The following PRKAR1A variants were observed in gnomAD, a reference collection of about 807,000 sequenced individuals.
PRKAR1A encodes cAMP-dependent protein kinase type I-alpha regulatory subunit.
Under a neutral mutation model 52.0 loss-of-function variants are expected in PRKAR1A, and 3 were observed. That is an observed-to-expected ratio of 0.06 (90% confidence interval 0.03 to 0.15). The LOEUF (loss-of-function observed/expected upper bound fraction) is 0.15, where lower values mean the gene tolerates loss of function less well. Ranked by LOEUF, PRKAR1A falls within the 10% of genes least tolerant of loss-of-function variation. The pLI, the probability that PRKAR1A is intolerant of heterozygous loss-of-function variation, is 1.00. For synonymous variants in PRKAR1A, 188 were observed against 168.4 expected (o/e 1.12, Z -0.90); for missense variants, 240 against 477.4 (o/e 0.50, Z 4.63).
chr17:68,419,339 T>C, the PRKAR1A span, among the ~76,000 whole-genome samples: 13 of 152,134 alleles, frequency 8.5e-5, no homozygotes, highest in Non-Finnish European at 1.8e-4. Context: ...AGTGGGCAGA[T>C]CATGAGGTTA....
At chr17:68,542,299 A>G (rs1600527110) in intron 11 of PRKAR1A, 12 of 1,008,960 alleles carry the variant, frequency 1.2e-5, no homozygotes, top group Non-Finnish European at 1.6e-5. Context: ...AAGAAGAAGG[A>G]AACATTGACT....
the PRKAR1A span, among the ~76,000 whole-genome samples, chr17:68,419,942 A>G: frequency 6.6e-6 from 1 of 152,168 alleles, no homozygotes; most frequent in Non-Finnish European, 1.5e-5. Context: ...CTGGGCAACG[A>G]AGCCAGACCC....
downstream of PRKAR1A, among the ~76,000 whole-genome samples, chr17:68,534,560 C>CTTTTTTTTTTTTTTTTTTTCT (rs34994040): frequency 1.8e-5 from 2 of 111,050 alleles, no homozygotes; most frequent in African/African-American, 3.4e-5. Flanking sequence ...TTTTTAGTGC[C>CTTTTTTTTTTTTTTTTTTTCT]TTTTTTTTTT....
the PRKAR1A span, among the ~76,000 whole-genome samples, chr17:68,491,924 C>A: frequency 6.6e-6 from 1 of 152,328 alleles, no homozygotes; most frequent in Admixed American, 6.5e-5. Flanking sequence ...TATGGTAAGT[C>A]ATAAGGAGCT....
At chr17:68,548,119 G>C (rs1248239954) in intron 11 of PRKAR1A, among the ~76,000 whole-genome samples, 1 of 152,172 alleles carries the variant, frequency 6.6e-6, no homozygotes, top group Non-Finnish European at 1.5e-5. Flanking sequence ...TTTAGGCCAG[G>C]TGCAGTGGCT....
the PRKAR1A span, among the ~76,000 whole-genome samples, chr17:68,447,816 C>T: frequency 6.6e-6 from 1 of 151,824 alleles, no homozygotes; most frequent in Admixed American, 6.6e-5. Flanking sequence ...CATGGTGAAA[C>T]CCCATCTCTA....
Position 68,523,710 on chromosome 17 carries a change from T to G in PRKAR1A, c.349-15T>G, listed in dbSNP as rs1243359772. On this transcript the variant is annotated splice_polypyrimidine_tract_variant and intron_variant, in intron 3 of 10. Coordinates refer to ENST00000589228, the MANE Select transcript of PRKAR1A (RefSeq NM_002734.5). ...GGTTTATGGAATTGTCATTTGACCT[T>G]CAGTTCTTTTCTAGGTTATACCAAA... 1.3e-6 allele frequency: 2 copies of G among 1,593,090 alleles called. No homozygotes were observed. The highest frequency in any genetic ancestry group is 1.7e-6 in the Non-Finnish European group (2 of 1,165,984).
chr17:68,427,155 G>A, the PRKAR1A span: 1 of 1,614,070 alleles, frequency 6.2e-7, no homozygotes, highest in East Asian at 2.2e-5. Flanking sequence ...GGAGGCTGAA[G>A]ATGCACTTGG....
chr17:68,539,259 C>T (rs867364658), intron 11 of PRKAR1A: 1 of 1,450,864 alleles, frequency 6.9e-7, no homozygotes, highest in Non-Finnish European at 9.7e-7. Flanking sequence ...AACTGGAAGC[C>T]CTTCAGACCT....
chr17:68,425,889 A>G, the PRKAR1A span: 1 of 579,434 alleles, frequency 1.7e-6, no homozygotes, highest in African/African-American at 1.9e-5. Flanking sequence ...CGACACCTAA[A>G]GCCTACTCTG....
the PRKAR1A span, among the ~76,000 whole-genome samples, chr17:68,479,019 C>T: frequency 2.0e-5 from 3 of 152,198 alleles, no homozygotes; most frequent in South Asian, 2.1e-4. Context: ...TAAGCCACCG[C>T]GCCCAGCCTA....
intron 2 of PRKAR1A, among the ~76,000 whole-genome samples, chr17:68,517,700 C>CAT (rs2085477177): frequency 6.6e-6 from 1 of 152,180 alleles, no homozygotes; most frequent in African/African-American, 2.4e-5. Context: ...ACAGCCAAAC[C>CAT]ATATCATTCC....
At chr17:68,551,017 G>T in intron 11 of PRKAR1A, 1 of 1,185,472 alleles carries the variant, frequency 8.4e-7, no homozygotes, top group Non-Finnish European at 1.1e-6. Context: ...ACTGGAAGAA[G>T]CACATTCTGG....
chr17:68,547,405 A>G (rs1490779512), intron 11 of PRKAR1A, among the ~76,000 whole-genome samples: 2 of 152,208 alleles, frequency 1.3e-5, no homozygotes, highest in Non-Finnish European at 2.9e-5. Flanking sequence ...CTATGGGGAA[A>G]GTCCCAGATG....
At chr17:68,464,239 A>T in the PRKAR1A span, among the ~76,000 whole-genome samples, 1 of 152,184 alleles carries the variant, frequency 6.6e-6, no homozygotes, top group Non-Finnish European at 1.5e-5. Flanking sequence ...GCTGAACAAA[A>T]ATTTCTGAGA....
the PRKAR1A span, among the ~76,000 whole-genome samples, chr17:68,449,389 C>A: frequency 5.9e-5 from 9 of 152,144 alleles, no homozygotes; most frequent in African/African-American, 1.9e-4. Context: ...CAGCACTCTG[C>A]GAGGCCAAGG....
the PRKAR1A span, chr17:68,444,573 A>G: frequency 6.2e-7 from 1 of 1,613,834 alleles, no homozygotes; most frequent in East Asian, 2.2e-5. Context: ...GGACTCTTCT[A>G]GGCAAACCAG....
the PRKAR1A span, among the ~76,000 whole-genome samples, chr17:68,415,069 G>A: frequency 3.9e-5 from 6 of 151,916 alleles, no homozygotes; most frequent in East Asian, 1.2e-3. Flanking sequence ...TTGTCTGCTG[G>A]GTTTTGTTTG....
At chr17:68,482,616 C>G in the PRKAR1A span, among the ~76,000 whole-genome samples, 1 of 152,214 alleles carries the variant, frequency 6.6e-6, no homozygotes, top group Admixed American at 6.5e-5. Flanking sequence ...CCCTAGACAC[C>G]GGGTGAAGGT....
Sources: gnomAD v4.1 joint callset for allele counts (sites outside exome capture counted in the v4.1 genomes callset) on GRCh38, gnomAD v4.1.1 for gene constraint, MANE v1.5 for transcripts, NCBI Gene and HGNC (gene_info 2026-07-23, HGNC 2026-07-21) for gene names.